CDH13: variants seen among roughly 807,000 people sequenced by gnomAD.
The protein encoded by CDH13 is cadherin-13.
CDH13 carries 24 observed loss-of-function variants against 63.8 expected under a neutral mutation model. The ratio of observed to expected loss-of-function variants is 0.38; its 90% CI spans 0.27 to 0.53. The LOEUF (loss-of-function observed/expected upper bound fraction) is 0.53, where lower values mean the gene tolerates loss of function less well. CDH13 is among the 20% of genes least tolerant of loss of function. The pLI, the probability that CDH13 is intolerant of heterozygous loss-of-function variation, is 0.85. For synonymous variants in CDH13, 503 were observed against 355.3 expected, an observed-to-expected ratio of 1.42 and a Z score of -4.67; for missense variants, 1,049 against 903.1, an observed-to-expected ratio of 1.16 and a Z score of -2.07.
chr16:83,015,204 T>C (rs1914637787), intron 2 of CDH13, among the ~76,000 whole-genome samples: 1 of 151,964 alleles, frequency 6.6e-6, no homozygotes, highest in Non-Finnish European at 1.5e-5. Context: ...GCATCTCCTA[T>C]TTCACTTCAG....
At chr16:83,767,867 A>G (rs556260074) in intron 11 of CDH13, among the ~76,000 whole-genome samples, 2 of 152,270 alleles carry the variant, frequency 1.3e-5, no homozygotes, top group South Asian at 4.1e-4. Context: ...AGTTAGTACA[A>G]ATTGGCCCAA....
At chr16:83,125,615 A>G (rs1431076086) in intron 4 of CDH13, 114 bp downstream of exon 4, 2 of 595,150 alleles carry the variant, frequency 3.4e-6, no homozygotes, top group East Asian at 2.8e-5. Flanking sequence ...TCTGTCTATG[A>G]TAAGAGACCA....
chr16:83,389,963 T>G lies in CDH13; in HGVS notation c.781+44957T>G, dbSNP rs527488477. On this transcript the variant is annotated intron_variant, in intron 6 of 13. Transcript: ENST00000567109. ...CTAATGGGATCTGAGCTCGGCTGTT[T>G]ATTTATAGTCATTCAGTGATAAGAA... Among the ~76,000 whole-genome samples the G allele has an allele frequency of 7.9e-5, 12 of 152,354 alleles. 2 individuals carry two copies. In the South Asian group the frequency reaches 2.3e-3, roughly 29 times the overall value.
chr16:82,716,613 A>G (rs1001550255), intron 1 of CDH13, among the ~76,000 whole-genome samples: 2 of 149,088 alleles, frequency 1.3e-5, no homozygotes, highest in African/African-American at 5.0e-5. Context: ...AATTATGTAA[A>G]TAAGCAGACA....
At chr16:83,203,206 A>C (rs974641084) in intron 4 of CDH13, among the ~76,000 whole-genome samples, 4 of 152,160 alleles carry the variant, frequency 2.6e-5, no homozygotes, top group African/African-American at 9.7e-5. Flanking sequence ...CCTGGGCAAC[A>C]AGAGCAAAAC....
At chr16:83,623,205 T>G (rs6563949) in intron 8 of CDH13, among the ~76,000 whole-genome samples, 19,708 of 152,054 alleles carry the variant, frequency 0.13, 1,373 homozygotes, top group African/African-American at 0.19. Context: ...GGGCCAGGGC[T>G]GGGTGGGAGA....
intron 2 of CDH13, among the ~76,000 whole-genome samples, chr16:82,966,521 A>C (rs923017570): frequency 6.6e-6 from 1 of 152,212 alleles, no homozygotes; most frequent in East Asian, 1.9e-4. Flanking sequence ...CATCACTGCC[A>C]GTCAATCTGG....
At chr16:83,457,402 C>G (rs887398711) in intron 6 of CDH13, among the ~76,000 whole-genome samples, 1 of 152,146 alleles carries the variant, frequency 6.6e-6, no homozygotes, top group Non-Finnish European at 1.5e-5. Context: ...GACATAGGAT[C>G]TATTCTGCCT....
chr16:83,585,823 C>G (rs766524432), intron 7 of CDH13, among the ~76,000 whole-genome samples: 1 of 152,120 alleles, frequency 6.6e-6, no homozygotes, highest in Non-Finnish European at 1.5e-5. Context: ...AATCTTTGGA[C>G]TAGTACCAAC....
At chr16:82,865,020 T>G (rs2040077298) in intron 2 of CDH13, among the ~76,000 whole-genome samples, 1 of 152,238 alleles carries the variant, frequency 6.6e-6, no homozygotes, top group African/African-American at 2.4e-5. Flanking sequence ...CAGATAAATC[T>G]TAAAGCTCTG....
intron 1 of CDH13, among the ~76,000 whole-genome samples, chr16:82,814,308 T>A (rs1227774066): frequency 6.6e-6 from 1 of 152,126 alleles, no homozygotes; most frequent in Non-Finnish European, 1.5e-5. Context: ...AGTTGACTTG[T>A]GCTGGGCTCC....
chr16:83,501,212 A>T (rs1047010760), intron 7 of CDH13, among the ~76,000 whole-genome samples: 1 of 152,250 alleles, frequency 6.6e-6, no homozygotes, highest in African/African-American at 2.4e-5. Context: ...AGCCATGGGA[A>T]ATGAATTTAT....
chr16:82,833,559 C>G (rs1265653997), intron 1 of CDH13, among the ~76,000 whole-genome samples: 2 of 152,226 alleles, frequency 1.3e-5, no homozygotes, highest in Non-Finnish European at 2.9e-5. Context: ...TTCTGGACCT[C>G]CCTTAACCAT....
intron 1 of CDH13, among the ~76,000 whole-genome samples, chr16:82,685,379 C>G (rs1461922434): frequency 6.6e-6 from 1 of 152,144 alleles, no homozygotes; most frequent in Non-Finnish European, 1.5e-5. Context: ...TATAAGGGTA[C>G]TAATCCCATT....
At chr16:83,243,886 G>T (rs1453791071) in intron 5 of CDH13, among the ~76,000 whole-genome samples, 3 of 152,104 alleles carry the variant, frequency 2.0e-5, no homozygotes, top group African/African-American at 7.2e-5. Context: ...CTTAGATTTG[G>T]ATCTTTTAAA....
At chr16:82,764,937 C>T (rs2034996177) in intron 1 of CDH13, among the ~76,000 whole-genome samples, 1 of 151,780 alleles carries the variant, frequency 6.6e-6, no homozygotes, top group Non-Finnish European at 1.5e-5. Flanking sequence ...GCCTCAGCCT[C>T]CCGAGTAGCT....
intron 8 of CDH13, among the ~76,000 whole-genome samples, chr16:83,613,180 T>G (rs1000902326): frequency 6.6e-6 from 1 of 152,240 alleles, no homozygotes; most frequent in Non-Finnish European, 1.5e-5. Flanking sequence ...TTTATTTCCA[T>G]TGAAAGAAAC....
intron 1 of CDH13, among the ~76,000 whole-genome samples, chr16:82,702,341 A>T (rs1027507289): frequency 4.6e-5 from 7 of 152,196 alleles, no homozygotes; most frequent in African/African-American, 1.7e-4. Context: ...AATACATGAA[A>T]TACCTAATCA....
At chr16:83,016,769 G>T (rs574138807) in intron 2 of CDH13, among the ~76,000 whole-genome samples, 4 of 152,030 alleles carry the variant, frequency 2.6e-5, no homozygotes, top group Non-Finnish European at 5.9e-5. Flanking sequence ...AAGCATTCTA[G>T]ATATCCACAA....
Sources: allele counts gnomAD v4.1 joint callset (sites outside exome capture counted in the v4.1 genomes callset), GRCh38; gene constraint gnomAD v4.1.1; transcripts MANE v1.5; gene names NCBI Gene and HGNC (gene_info 2026-07-23, HGNC 2026-07-21).